TRPM4: variants seen among roughly 807,000 people sequenced by gnomAD.
TRPM4 encodes the protein transient receptor potential cation channel subfamily M member 4.
In TRPM4, 124 loss-of-function variants were observed where a neutral mutation model predicts 135.6. The ratio of observed to expected loss-of-function variants is 0.91; its 90% CI spans 0.79 to 1.06. The LOEUF (loss-of-function observed/expected upper bound fraction) is 1.06, where lower values mean the gene tolerates loss of function less well. TRPM4 is among the 50% of genes least tolerant of loss of function. The probability of loss-of-function intolerance (pLI) is 0.00; values close to 1 mark genes in which losing one functional copy is unlikely to be tolerated. For synonymous variants in TRPM4, 745 were observed against 705.6 expected, an observed-to-expected ratio of 1.06 and a Z score of -0.88; for missense variants, 1,658 against 1,671.4, an observed-to-expected ratio of 0.99 and a Z score of 0.14.
intron 20 of TRPM4, among the ~76,000 whole-genome samples, chr19:49,204,248 T>C (rs1449517560): frequency 1.3e-5 from 2 of 152,214 alleles, no homozygotes; most frequent in African/African-American, 2.4e-5. Flanking sequence ...TGAATCCTTG[T>C]TTTTATTTCC....
At chr19:49,188,895 C>A (rs781028814) in intron 13 of TRPM4, 51 bp from the exon 14 acceptor site, 2 of 1,613,642 alleles carry the variant, frequency 1.2e-6, no homozygotes, top group East Asian at 4.5e-5. Context: ...CCTTCACACC[C>A]TCACCCTACT....
At chr19:49,160,590 C>T (rs1966925022) in intron 2 of TRPM4, among the ~76,000 whole-genome samples, 2 of 151,932 alleles carry the variant, frequency 1.3e-5, no homozygotes, top group South Asian at 4.1e-4. Flanking sequence ...AATCAAAGTT[C>T]AGGGTGCAGG....
intron 20 of TRPM4, among the ~76,000 whole-genome samples, chr19:49,204,145 A>T (rs1239022153): frequency 2.0e-5 from 3 of 151,858 alleles, no homozygotes; most frequent in Admixed American, 6.6e-5. Context: ...CATTTGATTT[A>T]CCCGCTCATC....
chr19:49,189,833 T>G (rs1013469689), intron 14 of TRPM4, among the ~76,000 whole-genome samples: 6 of 152,168 alleles, frequency 3.9e-5, no homozygotes, highest in African/African-American at 1.4e-4. Flanking sequence ...GTGGTTAAAC[T>G]CATGGATTCC....
At position 49,189,092 on chromosome 19, in the gene TRPM4, G is replaced by C. The variant is rs899479107; in HGVS notation, c.2019+1G>C. ...CTTCTTTGCCCAGGATGGGGTACAG[G>C]TGAGTATCTGCGACACCAACATCCC... On this transcript the variant is annotated splice_donor_variant, in intron 14 of 24. Coordinates refer to ENST00000252826, the MANE Select transcript of TRPM4 (RefSeq NM_017636.4). LOFTEE classifies it high-confidence loss of function. 1 of 1,613,978 alleles carries C rather than the reference G, an allele frequency of 6.2e-7. No individual in the cohort carries two copies. The highest frequency in any genetic ancestry group is 8.5e-7 in the Non-Finnish European group (1 of 1,180,028).
chr19:49,197,076 G>T (rs1387557502), intron 17 of TRPM4, among the ~76,000 whole-genome samples: 1 of 152,192 alleles, frequency 6.6e-6, no homozygotes, highest in Non-Finnish European at 1.5e-5. Flanking sequence ...TGGCTTCAGG[G>T]ACGGCAGGAT....
At chr19:49,158,073 G>T in intron 1 of TRPM4, 119 bp from the exon 2 acceptor site, 1 of 1,296,534 alleles carries the variant, frequency 7.7e-7, no homozygotes, top group East Asian at 2.3e-5. Context: ...GGAGGGCGCT[G>T]GGGGCCCGGA....
At chr19:49,188,857 G>T (rs537218443) in intron 13 of TRPM4, 87 bp downstream of exon 13, 3 of 1,612,568 alleles carry the variant, frequency 1.9e-6, no homozygotes, top group East Asian at 2.2e-5. Context: ...ATATCCCTGC[G>T]CCATCCCCTT....
At chr19:49,164,554 T>A (rs1967099915) in intron 2 of TRPM4, among the ~76,000 whole-genome samples, 1 of 150,430 alleles carries the variant, frequency 6.6e-6, no homozygotes, top group Non-Finnish European at 1.5e-5. Context: ...AATTTTTGTA[T>A]TTTTTTTAGT....
At position 49,164,364 on chromosome 19, in the gene TRPM4, G is replaced by GTTTTTTTTTTTTTTTT. The variant is rs869232937; in HGVS notation, c.93-1658_93-1643dup. Among the ~76,000 whole-genome samples, 2 of 16,244 alleles carry GTTTTTTTTTTTTTTTT rather than the reference G, an allele frequency of 1.2e-4. 1 individual carries two copies. The highest frequency in any genetic ancestry group is 5.0e-4 in the African/African-American group (2 of 4,024). The allele number at this position is 16,244 out of a possible 152,430, so 10.7% of individuals were successfully genotyped here. On this transcript the variant is annotated intron_variant, in intron 2 of 24. Coordinates refer to ENST00000252826, the MANE Select transcript of TRPM4 (RefSeq NM_017636.4). ...CCTCCCTCCTTCCTTTCTTTCCTTA[G>GTTTTTTTTTTTTTTTT]TTTTTTTTTTTTTTTTTTTTTTTTT...
chr19:49,191,261 A>G (rs1162288237), intron 16 of TRPM4, among the ~76,000 whole-genome samples: 2 of 151,856 alleles, frequency 1.3e-5, no homozygotes, highest in Non-Finnish European at 2.9e-5. Flanking sequence ...GCTGGAGTGC[A>G]GTGGTACAAT....
rs1164172189 is a variant in TRPM4 at position 49,200,749 on chromosome 19, C to G, written c.2917C>G (p.Gln973Glu). The G allele has an allele frequency of 1.2e-6, 2 of 1,614,148 alleles. No individual in the cohort carries two copies. Among genetic ancestry groups the G allele is most frequent in the Admixed American group, 1.7e-5 (1 of 60,004 alleles). ...LRRVFYRPYL[Q>E]IFGQIPQEDM... ...CCGCGTCTTCTACCGTCCCTACCTG[C>G]AGATCTTCGGGCAGATTCCCCAGGA... Residue 973 changes from glutamine to glutamate, a missense_variant, in exon 19 of 25, where the codon CAG becomes GAG. Transcript: ENST00000252826.
At chr19:49,182,078 A>ATCTG (rs1967955466) in intron 10 of TRPM4, among the ~76,000 whole-genome samples, 1 of 124,856 alleles carries the variant, frequency 8.0e-6, no homozygotes, top group Non-Finnish European at 1.7e-5. Context: ...CCATCCATCC[A>ATCTG]TCCATCCATC....
intron 2 of TRPM4, among the ~76,000 whole-genome samples, chr19:49,161,022 A>G (rs979048341): frequency 6.6e-6 from 1 of 152,000 alleles, no homozygotes; most frequent in Non-Finnish European, 1.5e-5. Flanking sequence ...TCAGGAGGGC[A>G]AGCAGGTTTG....
chr19:49,164,364 GTTTTTTTTTTTTTTTTTTTTT>G (rs869232937), intron 2 of TRPM4, among the ~76,000 whole-genome samples: 1 of 16,244 alleles, frequency 6.2e-5, no homozygotes, highest in Non-Finnish European at 1.0e-4. Flanking sequence ...TCTTTCCTTA[GTTTTTTTTTTTTTTTTTTTTT>G]TTTTTTTTTT....
At chr19:49,169,009 CAATAAT>C (rs577879197) in intron 6 of TRPM4, among the ~76,000 whole-genome samples, 4 of 149,108 alleles carry the variant, frequency 2.7e-5, no homozygotes, top group Admixed American at 2.0e-4. Context: ...TTGTCTCTAC[CAATAAT>C]AATAATAATA....
At chr19:49,167,062 C>T (rs1467147413) in intron 3 of TRPM4, among the ~76,000 whole-genome samples, 1 of 148,138 alleles carries the variant, frequency 6.8e-6, no homozygotes, top group Non-Finnish European at 1.5e-5. Context: ...CTCTGGGTTT[C>T]TGTCCCCATC....
At chr19:49,199,242 T>TC (rs1268224985) in intron 17 of TRPM4, among the ~76,000 whole-genome samples, 1 of 131,342 alleles carries the variant, frequency 7.6e-6, no homozygotes, top group African/African-American at 3.1e-5. Flanking sequence ...TGCCCCCTTG[T>TC]TTTTTTTTTG....
At chr19:49,195,069 T>G (rs1968580603) in intron 16 of TRPM4, among the ~76,000 whole-genome samples, 2 of 151,714 alleles carry the variant, frequency 1.3e-5, no homozygotes, top group South Asian at 4.2e-4. Flanking sequence ...GCCTCACTTT[T>G]TTTTCTTTTT....
Sources: allele counts gnomAD v4.1 joint callset (sites outside exome capture counted in the v4.1 genomes callset), GRCh38; gene constraint gnomAD v4.1.1; transcripts MANE v1.5; gene names NCBI Gene and HGNC (gene_info 2026-07-23, HGNC 2026-07-21).